The following GPBP1L1 variants were observed in gnomAD, a reference collection of about 807,000 sequenced individuals.
GPBP1L1 encodes the protein GC-rich promoter binding protein 1 like 1, also known as vasculin-like protein 1.
GPBP1L1 carries 23 observed loss-of-function variants against 52.5 expected under a neutral mutation model. That is an observed-to-expected ratio of 0.44 (90% CI 0.32 to 0.62). The LOEUF (loss-of-function observed/expected upper bound fraction) is 0.62. GPBP1L1 is among the 20% of genes least tolerant of loss of function. GPBP1L1 has a pLI of 0.06. For missense variants in GPBP1L1, 596 were observed against 579.3 expected (o/e 1.03, Z -0.30); for synonymous variants, 243 against 203.1 (o/e 1.20, Z -1.67).
At position 45,663,495 on chromosome 1, in the gene GPBP1L1, C is replaced by T. The variant is rs570449980; in HGVS notation, c.-1097-2270G>A. 3.9e-5 allele frequency among the ~76,000 whole-genome samples: 6 copies of T among 152,210 alleles called. 1 individual carries two copies. Among genetic ancestry groups the T allele is most frequent in the African/African-American group, 1.4e-4 (6 of 41,446 alleles). On this transcript the variant is annotated intron_variant, in intron 2 of 12. Transcript: ENST00000355105. ...AGAAATACTAACTAGCAATACTTTG[C>T]TACTATTACGGGTCCTACTAACAAT...
At position 45,660,774 on chromosome 1, in the gene GPBP1L1, T is replaced by G. The variant is rs575118003; in HGVS notation, c.-646A>C. ...ACTGCTAAAAAATAGTGTGCAGATATGTATTTATATTTGCCTTAACCTTCA... is the reference window on the plus strand; with the variant it reads ...ACTGCTAAAAAATAGTGTGCAGATAGGTATTTATATTTGCCTTAACCTTCA... On this transcript the variant is annotated 5_prime_UTR_variant, in exon 3 of 13. Coordinates refer to ENST00000355105, the MANE Select transcript of GPBP1L1 (RefSeq NM_021639.5). 6.5e-6 allele frequency: 1 copy of G among 153,012 alleles called. No individual in the cohort carries two copies. Among genetic ancestry groups the G allele is most frequent in the South Asian group, 2.1e-4 (1 of 4,856 alleles). The allele number at this position is 153,012 out of a possible 1,614,324, so 9.5% of individuals were successfully genotyped here. A position where few individuals can be genotyped will look rare whatever the true frequency, so the allele number is the denominator to read the frequency against.
At chr1:45,630,907 G>A (rs1411089963) in intron 10 of GPBP1L1, 1 of 352,214 alleles carries the variant, frequency 2.8e-6, no homozygotes. Flanking sequence ...AAACAGTATG[G>A]TAACAGTGCT....
intron 2 of GPBP1L1, among the ~76,000 whole-genome samples, chr1:45,678,544 A>G (rs533073410): frequency 1.3e-5 from 2 of 152,348 alleles, no homozygotes; most frequent in East Asian, 3.9e-4. Flanking sequence ...AGGTGAATCC[A>G]TCAATCTGTC....
At chr1:45,629,471 C>CCCCCCCCCCCCCCCA (rs374105264) in intron 12 of GPBP1L1, 105 bp downstream of exon 12, 1 of 143,934 alleles carries the variant, frequency 6.9e-6, no homozygotes, top group African/African-American at 3.1e-5. Context: ...CCCCCCCACC[C>CCCCCCCCCCCCCCCA]GATCTTTCTC....
At chr1:45,661,454 G>C (rs909713367) in intron 2 of GPBP1L1, among the ~76,000 whole-genome samples, 3 of 150,870 alleles carry the variant, frequency 2.0e-5, no homozygotes, top group Non-Finnish European at 4.4e-5. Flanking sequence ...AACAGAGTTT[G>C]CTCTTTTTTT....
chr1:45,650,302 C>T (rs559354533), intron 6 of GPBP1L1, among the ~76,000 whole-genome samples: 1 of 152,306 alleles, frequency 6.6e-6, no homozygotes, highest in African/African-American at 2.4e-5. Context: ...TACTCTCTAA[C>T]CCTTACAACC....
At chr1:45,638,367 C>T (rs1050051798) in intron 8 of GPBP1L1, among the ~76,000 whole-genome samples, 4 of 152,184 alleles carry the variant, frequency 2.6e-5, no homozygotes, top group African/African-American at 9.7e-5. Context: ...TGTTTCAGCC[C>T]TACTTTATTC....
chr1:45,676,955 C>T (rs543979927), intron 2 of GPBP1L1, among the ~76,000 whole-genome samples: 12 of 151,128 alleles, frequency 7.9e-5, no homozygotes, highest in Admixed American at 4.0e-4. Flanking sequence ...TTTGGGAGGC[C>T]GAAGAGGGAG....
intron 6 of GPBP1L1, chr1:45,651,675 T>C (rs1644820968): frequency 1.6e-6 from 1 of 644,594 alleles, no homozygotes; most frequent in Non-Finnish European, 2.8e-6. Flanking sequence ...ACAAAGCAGG[T>C]GAGGTCTCTT....
At chr1:45,643,257 G>A (rs1313057854) in intron 6 of GPBP1L1, among the ~76,000 whole-genome samples, 1 of 152,210 alleles carries the variant, frequency 6.6e-6, no homozygotes, top group Admixed American at 6.5e-5. Context: ...TTCAGCATGA[G>A]TAGTGCTAGG....
chr1:45,662,586 G>A (rs1394057095), intron 2 of GPBP1L1, among the ~76,000 whole-genome samples: 1 of 152,106 alleles, frequency 6.6e-6, no homozygotes, highest in East Asian at 1.9e-4. Context: ...TAAGTTCATA[G>A]GAATAAGAAA....
chr1:45,660,237 TCTCCCA>T lies in GPBP1L1; in HGVS notation c.-115_-110del. 1 of 985,304 alleles carries T rather than the reference TCTCCCA, an allele frequency of 1.0e-6. No homozygotes were observed. The highest frequency in any genetic ancestry group is 1.1e-4 in the East Asian group (1 of 8,802). 61.0% of individuals were successfully genotyped at this position (985,304 alleles called of 1,614,324 possible). A position where few individuals can be genotyped will look rare whatever the true frequency, so the allele number is the denominator to read the frequency against. On this transcript the variant is annotated 5_prime_UTR_variant, in exon 3 of 13. Coordinates refer to ENST00000355105, the MANE Select transcript of GPBP1L1 (RefSeq NM_021639.5). The stretch of plus-strand genomic sequence containing the variant: ...TCTGAACTCGAGTCGGCCAGCTGGA[TCTCCCA>T]CAAGGTTTCCTTGTTAAAAGGGTGC...
At chr1:45,645,782 T>G (rs968813724) in intron 6 of GPBP1L1, 7 of 363,566 alleles carry the variant, frequency 1.9e-5, no homozygotes, top group Non-Finnish European at 3.6e-5. Context: ...TTTTTTTTTT[T>G]GAGGCATTTT....
intron 2 of GPBP1L1, among the ~76,000 whole-genome samples, chr1:45,667,127 A>AC (rs1414226887): frequency 6.6e-6 from 1 of 152,238 alleles, no homozygotes; most frequent in East Asian, 1.9e-4. Context: ...TGATGGTTGC[A>AC]CAACGCTGAG....
At chr1:45,661,308 G>A (rs1393866887) in intron 2 of GPBP1L1, 83 bp from the exon 3 acceptor site, 1 of 152,184 alleles carries the variant, frequency 6.6e-6, no homozygotes, top group Non-Finnish European at 1.5e-5. Context: ...ATGAGACACA[G>A]TTAAATAATG....
chr1:45,685,109 G>T (rs1206776689), intron 2 of GPBP1L1, among the ~76,000 whole-genome samples: 1 of 150,080 alleles, frequency 6.7e-6, no homozygotes, highest in Non-Finnish European at 1.5e-5. Context: ...GTTCAAAAGG[G>T]CACGACAATC....
At position 45,673,985 on chromosome 1, in the gene GPBP1L1, C is replaced by G. The variant is rs568822609; in HGVS notation, c.-1098+11591G>C. On this transcript the variant is annotated intron_variant, in intron 2 of 12. Coordinates refer to ENST00000355105, the MANE Select transcript of GPBP1L1 (RefSeq NM_021639.5). The stretch of plus-strand genomic sequence containing the variant: ...TCCAGCTACTCAAGAGGCTAAATCA[C>G]GAGAATCTCTTGAACACGGGAGCGG... Among the ~76,000 whole-genome samples the G allele has an allele frequency of 8.5e-5, 13 of 152,252 alleles. No homozygotes were observed. The South Asian group carries it at 2.7e-3, about 32-fold the overall frequency.
At chr1:45,646,104 T>C (rs1644742127) in intron 6 of GPBP1L1, 1 of 445,788 alleles carries the variant, frequency 2.2e-6, no homozygotes, top group Non-Finnish European at 4.3e-6. Flanking sequence ...GACAATGACT[T>C]TGGAGCATGG....
intron 6 of GPBP1L1, 145 bp downstream of exon 6, chr1:45,654,398 A>C: frequency 1.3e-6 from 1 of 780,770 alleles, no homozygotes; most frequent in Non-Finnish European, 1.9e-6. Flanking sequence ...TTATCAACTT[A>C]ACTTCTTTCC....
Sources: gnomAD v4.1 joint callset for allele counts (sites outside exome capture counted in the v4.1 genomes callset) on GRCh38, gnomAD v4.1.1 for gene constraint, MANE v1.5 for transcripts, NCBI Gene and HGNC (gene_info 2026-07-23, HGNC 2026-07-21) for gene names.